Variants in PIK3C2G observed in about 807,000 individuals in gnomAD.
PIK3C2G encodes the protein phosphatidylinositol-4-phosphate 3-kinase catalytic subunit type 2 gamma, also known as phosphatidylinositol 3-kinase C2 domain-containing subunit gamma.
In PIK3C2G, 168 loss-of-function variants were observed where a neutral mutation model predicts 181.1. The observed-to-expected ratio is 0.93, with a 90% confidence interval of 0.82 to 1.05. The LOEUF (loss-of-function observed/expected upper bound fraction) is 1.05. PIK3C2G is among the 50% of genes least tolerant of loss of function. PIK3C2G has a pLI of 0.00. For synonymous variants in PIK3C2G, 573 were observed against 592.2 expected (o/e 0.97, Z 0.47); for missense variants, 1,869 against 1,732.8 (o/e 1.08, Z -1.40).
At chr12:18,484,907 T>G (rs1939889007) in intron 18 of PIK3C2G, among the ~76,000 whole-genome samples, 1 of 152,180 alleles carries the variant, frequency 6.6e-6, no homozygotes. Flanking sequence ...AATCCACCTG[T>G]GCTCACTAAA....
intron 29 of PIK3C2G, among the ~76,000 whole-genome samples, chr12:18,579,846 T>C (rs187115028): frequency 6.6e-6 from 1 of 152,224 alleles, no homozygotes; most frequent in Non-Finnish European, 1.5e-5. Context: ...TAAAGAATAA[T>C]AGAAACTGCT....
intron 18 of PIK3C2G, among the ~76,000 whole-genome samples, chr12:18,464,056 C>T (rs144537148): frequency 2.0e-5 from 3 of 152,194 alleles, no homozygotes; most frequent in Non-Finnish European, 4.4e-5. Context: ...ATGATCTGTA[C>T]TAACAAATCA....
intron 29 of PIK3C2G, among the ~76,000 whole-genome samples, chr12:18,588,057 G>A (rs1408524989): frequency 6.6e-6 from 1 of 151,954 alleles, no homozygotes; most frequent in African/African-American, 2.4e-5. Flanking sequence ...ATACGCAGAA[G>A]ACTGAAACTG....
intron 29 of PIK3C2G, among the ~76,000 whole-genome samples, chr12:18,571,156 C>A (rs1945916927): frequency 6.6e-6 from 1 of 150,472 alleles, no homozygotes; most frequent in Admixed American, 6.6e-5. Context: ...ATTGTGATTT[C>A]TCTTGTGGCC....
chr12:18,583,448 G>A (rs754096632), intron 29 of PIK3C2G, among the ~76,000 whole-genome samples: 15 of 151,946 alleles, frequency 9.9e-5, no homozygotes, highest in South Asian at 8.4e-4. Context: ...TAGGAATATC[G>A]AGACAGTAAC....
At chr12:18,289,336 C>CCAT (rs1292882787) in intron 3 of PIK3C2G, among the ~76,000 whole-genome samples, 4 of 151,868 alleles carry the variant, frequency 2.6e-5, no homozygotes, top group African/African-American at 9.7e-5. Flanking sequence ...AGTTTCTGGC[C>CCAT]CATGGTAGAT....
At chr12:18,716,259 A>G in the PIK3C2G span, among the ~76,000 whole-genome samples, 4 of 152,124 alleles carry the variant, frequency 2.6e-5, no homozygotes, top group East Asian at 7.7e-4. Context: ...GGGGGAAAAA[A>G]CCACCAAGAA....
chr12:18,342,199 G>A (rs1454220325), intron 9 of PIK3C2G, among the ~76,000 whole-genome samples: 1 of 152,026 alleles, frequency 6.6e-6, no homozygotes, highest in Non-Finnish European at 1.5e-5. Flanking sequence ...CACCCACATA[G>A]ATAGAGTGGG....
chr12:18,373,132 G>A (rs1412851891), intron 13 of PIK3C2G, among the ~76,000 whole-genome samples: 1 of 152,182 alleles, frequency 6.6e-6, no homozygotes, highest in African/African-American at 2.4e-5. Context: ...TGGGGCAATT[G>A]GGAGGCTGCA....
chr12:18,327,504 T>C (rs1015785445), intron 8 of PIK3C2G, among the ~76,000 whole-genome samples: 11 of 152,080 alleles, frequency 7.2e-5, no homozygotes, highest in Non-Finnish European at 1.2e-4. Flanking sequence ...TTCTTGACAA[T>C]TATTATTTCA....
At chr12:18,615,800 C>T (rs995872998) in intron 31 of PIK3C2G, among the ~76,000 whole-genome samples, 4 of 151,964 alleles carry the variant, frequency 2.6e-5, no homozygotes, top group Non-Finnish European at 5.9e-5. Context: ...GTTTTCTTCT[C>T]TAATTCTCTC....
intron 26 of PIK3C2G, among the ~76,000 whole-genome samples, chr12:18,560,585 A>G (rs1945295150): frequency 6.6e-6 from 1 of 152,064 alleles, no homozygotes; most frequent in Admixed American, 6.5e-5. Flanking sequence ...AGAGAAGGTA[A>G]AAACAGAGAG....
chr12:18,587,825 G>A (rs4764408), intron 29 of PIK3C2G, among the ~76,000 whole-genome samples: 7,382 of 151,604 alleles, frequency 0.049, 241 homozygotes, highest in Admixed American at 0.083. Context: ...CAAAACTGGA[G>A]GCATCATGTT....
the PIK3C2G span, among the ~76,000 whole-genome samples, chr12:18,654,680 G>T: frequency 2.0e-5 from 3 of 152,146 alleles, no homozygotes; most frequent in African/African-American, 4.8e-5. Flanking sequence ...CAGACAAGAT[G>T]ATTCCAGTTG....
chr12:18,566,302 G>C (rs1054710187), intron 28 of PIK3C2G, among the ~76,000 whole-genome samples: 3 of 152,164 alleles, frequency 2.0e-5, no homozygotes, highest in Non-Finnish European at 4.4e-5. Flanking sequence ...ATTGGAGTCA[G>C]AGGAGGCTGC....
chr12:18,590,481 G>A (rs538942871), intron 29 of PIK3C2G, among the ~76,000 whole-genome samples: 1 of 151,944 alleles, frequency 6.6e-6, no homozygotes, highest in East Asian at 1.9e-4. Context: ...ATACATCGTA[G>A]ACTATGTGAA....
At chr12:18,547,978 G>A (rs1165976193) in intron 26 of PIK3C2G, among the ~76,000 whole-genome samples, 1 of 152,078 alleles carries the variant, frequency 6.6e-6, no homozygotes, top group South Asian at 2.1e-4. Context: ...GAAGGGCAGC[G>A]TCACAGAGTC....
At chr12:18,405,725 T>C (rs1324453574) in intron 16 of PIK3C2G, among the ~76,000 whole-genome samples, 1 of 152,108 alleles carries the variant, frequency 6.6e-6, no homozygotes, top group African/African-American at 2.4e-5. Context: ...TCACTGATGA[T>C]ATCAATGAGA....
chr12:18,714,784 A>G, the PIK3C2G span: 1 of 152,126 alleles, frequency 6.6e-6, no homozygotes, highest in Non-Finnish European at 1.5e-5. Context: ...GGCATCTAGC[A>G]GGTAACGGTC....
Sources: gnomAD v4.1 joint callset for allele counts (sites outside exome capture counted in the v4.1 genomes callset) on GRCh38, gnomAD v4.1.1 for gene constraint, MANE v1.5 for transcripts, NCBI Gene and HGNC (gene_info 2026-07-23, HGNC 2026-07-21) for gene names.